MAP3K4: variants seen among roughly 807,000 people sequenced by gnomAD.
The protein encoded by MAP3K4 is mitogen-activated protein kinase kinase kinase 4.
Under a neutral mutation model 185.6 loss-of-function variants are expected in MAP3K4, and 67 were observed. That is an observed-to-expected ratio of 0.36 (90% CI 0.30 to 0.44). MAP3K4 has a LOEUF of 0.44. Among genes scored for constraint, MAP3K4 ranks in the 20% least tolerant of loss-of-function variants. MAP3K4 has a pLI of 1.00. For synonymous variants in MAP3K4, 702 were observed against 710.4 expected, an observed-to-expected ratio of 0.99 and a Z score of 0.19; for missense variants, 1,551 against 1,995.1, an observed-to-expected ratio of 0.78 and a Z score of 4.24.
At position 161,063,858 on chromosome 6, in the gene MAP3K4, C is replaced by T. The variant is rs1034023680; in HGVS notation, c.1708-6750C>T. On this transcript the variant is annotated intron_variant, in intron 3 of 26. Coordinates refer to ENST00000392142, the MANE Select transcript of MAP3K4 (RefSeq NM_005922.4). This position sits in a 1 kb window ranked among gnomAD's most constrained non-coding sequence, Gnocchi z 5.4. ...TGACTTGGGAATTGCCTCTTTACGCCCTTCAGACACCCTGTTAATTTCCTC... is the reference window on the plus strand; with the variant it reads ...TGACTTGGGAATTGCCTCTTTACGCTCTTCAGACACCCTGTTAATTTCCTC... 2.0e-5 allele frequency among the ~76,000 whole-genome samples: 3 copies of T among 152,098 alleles called. No individual in the cohort carries two copies. The highest frequency in any genetic ancestry group is 7.2e-5 in the African/African-American group (3 of 41,410).
At chr6:161,072,801 G>A (rs1246809) in intron 4 of MAP3K4, among the ~76,000 whole-genome samples, 151,825 of 152,346 alleles carry the variant, frequency 1, 75,654 homozygotes, top group Middle Eastern at 1. Context: ...TATTAATGGG[G>A]AGGGCTTTCC....
At chr6:161,062,085 A>C (rs1273182992) in intron 3 of MAP3K4, among the ~76,000 whole-genome samples, 4 of 152,160 alleles carry the variant, frequency 2.6e-5, no homozygotes, top group Non-Finnish European at 5.9e-5. Context: ...TTTAATGTTT[A>C]AGATGAGTTT....
chr6:161,095,795 A>G (rs566447105), intron 15 of MAP3K4, among the ~76,000 whole-genome samples: 2 of 152,312 alleles, frequency 1.3e-5, no homozygotes, highest in African/African-American at 4.8e-5. Context: ...TTGAACATCC[A>G]TTTTGCTTAT....
chr6:161,104,834 T>C (rs1777995806), intron 19 of MAP3K4, among the ~76,000 whole-genome samples: 1 of 152,070 alleles, frequency 6.6e-6, no homozygotes, highest in Non-Finnish European at 1.5e-5. Flanking sequence ...ATTTGCAGTG[T>C]TGTATATTGA....
In MAP3K4 at chr6:161,051,425, T is replaced by C. The variant is rs1783997453; in HGVS notation, c.1707+1446T>C. 6.6e-6 allele frequency among the ~76,000 whole-genome samples: 1 copy of C among 152,204 alleles called. No individual in the cohort carries two copies. The highest frequency in any genetic ancestry group is 6.5e-5 in the Admixed American group (1 of 15,278). On this transcript the variant is annotated intron_variant, in intron 3 of 26. Coordinates refer to ENST00000392142, the MANE Select transcript of MAP3K4 (RefSeq NM_005922.4). The surrounding 1 kb of genome is among the most constrained non-coding windows in gnomAD (Gnocchi z 4.2). ...GCATTCACATAAATTCAGGAAGATG[T>C]TTACAACATGAACCAGTGCTTTGTA...
chr6:161,016,431 A>T lies in MAP3K4; in HGVS notation c.153-17828A>T, dbSNP rs369109756. On this transcript the variant is annotated intron_variant, in intron 1 of 26. Coordinates refer to ENST00000392142, the MANE Select transcript of MAP3K4 (RefSeq NM_005922.4). ...ATCTAAGACCTCATTGACAAATATG[A>T]GATCCTATAGCTTTACCCCAGTTTT... Among the ~76,000 whole-genome samples the T allele has an allele frequency of 2.0e-4, 31 of 152,318 alleles. No homozygotes were observed. In the South Asian group the frequency reaches 2.5e-3, roughly 12 times the overall value.
In MAP3K4 at chr6:161,111,951, G is replaced by T. The variant is rs774137222; in HGVS notation, c.4512G>T (p.Gly1504=). The change falls in exon 24 of 27, where the codon GGG becomes GGT. Residue 1504 remains glycine (G), a synonymous_variant. Coordinates refer to ENST00000392142, the MANE Select transcript of MAP3K4 (RefSeq NM_005922.4). ...TMPGEVNSTL[G]TAAYMAPEVI... is the part of the protein sequence containing the mutation. ...CTGGTGAAGTGAACAGCACCCTGGG[G>T]ACAGCAGGTAGGGACCAGCCTGGTT... is the stretch of plus-strand genomic sequence containing the variant. 3.7e-6 allele frequency: 6 copies of T among 1,613,962 alleles called. No homozygotes were observed. The highest frequency in any genetic ancestry group is 5.1e-6 in the Non-Finnish European group (6 of 1,179,944).
chr6:161,050,097 T>C, intron 3 of MAP3K4, 118 bp downstream of exon 3: 1 of 1,008,232 alleles, frequency 9.9e-7, no homozygotes. Context: ...AAATGGCAGT[T>C]ATAAATTGCA....
chr6:161,075,104 C>T lies in MAP3K4; in HGVS notation c.2097+1492C>T, dbSNP rs1785110590. Among the ~76,000 whole-genome samples the T allele has an allele frequency of 6.6e-6, 1 of 152,178 alleles. No homozygotes were observed. Among genetic ancestry groups the T allele is most frequent in the South Asian group, 2.1e-4 (1 of 4,836 alleles). ...TCATTTTAATGAGTTAGAAGTTATT[C>T]TCTATATAAAAGACCTGAGTGTGTA... On this transcript the variant is annotated intron_variant, in intron 5 of 26. Coordinates refer to ENST00000392142, the MANE Select transcript of MAP3K4 (RefSeq NM_005922.4). The surrounding 1 kb of genome is among the most constrained non-coding windows in gnomAD (Gnocchi z 4.3).
chr6:161,084,898 G>A lies in MAP3K4; in HGVS notation c.2372+281G>A, dbSNP rs1785625726. On this transcript the variant is annotated intron_variant, in intron 7 of 26. Transcript: ENST00000392142. The surrounding 1 kb of genome is among the most constrained non-coding windows in gnomAD (Gnocchi z 4.6). ...GCGGTGGCTCACGCCTGTAATCCCAGTACTTTGGGAGGCCGAGGTGGGTGA... is the reference window on the plus strand; with the variant it reads ...GCGGTGGCTCACGCCTGTAATCCCAATACTTTGGGAGGCCGAGGTGGGTGA... 6.6e-6 allele frequency among the ~76,000 whole-genome samples: 1 copy of A among 152,188 alleles called. No homozygotes were observed. The highest frequency in any genetic ancestry group is 2.4e-5 in the African/African-American group (1 of 41,446).
At chr6:161,099,916 A>G (rs1345917372) in intron 17 of MAP3K4, among the ~76,000 whole-genome samples, 2 of 152,242 alleles carry the variant, frequency 1.3e-5, no homozygotes, top group African/African-American at 4.8e-5. Context: ...TTAAACGCTT[A>G]TCAGTAGCAT....
In MAP3K4 at chr6:161,043,394, G is replaced by A; in HGVS notation, c.344-5222G>A. On this transcript the variant is annotated intron_variant, in intron 2 of 26. Transcript: ENST00000392142. The surrounding 1 kb of genome is among the most constrained non-coding windows in gnomAD (Gnocchi z 4.3). The stretch of plus-strand genomic sequence containing the variant: ...CTTGCTTTTACTTTAAGCCTTTACA[G>A]ACTAGTTAGCCTGTGTAATCTTTTG... 6.6e-6 allele frequency among the ~76,000 whole-genome samples: 1 copy of A among 152,178 alleles called. No individual in the cohort carries two copies. The highest frequency in any genetic ancestry group is 1.9e-4 in the East Asian group (1 of 5,190).
In MAP3K4 at chr6:161,073,622, AGT is replaced by A. The variant is rs1562521873; in HGVS notation, c.2097+12_2097+13del. On this transcript the variant is annotated intron_variant, in intron 5 of 26. Transcript: ENST00000392142. This position sits in a 1 kb window ranked among gnomAD's most constrained non-coding sequence, Gnocchi z 4.2. ...ACATAAAATGCTTATGGTCAGAAGC[AGT>A]GGGGAGGAATTTTTCTTTCTTTCTT... 5.7e-6 allele frequency: 9 copies of A among 1,591,552 alleles called. No individual in the cohort carries two copies. The South Asian group carries it at 1.0e-4, about 18-fold the overall frequency.
chr6:161,068,934 A>G (rs568541955), intron 3 of MAP3K4, among the ~76,000 whole-genome samples: 1 of 152,340 alleles, frequency 6.6e-6, no homozygotes, highest in East Asian at 1.9e-4. Context: ...TGACAGTTCT[A>G]GATGTGGGGG....
chr6:161,107,804 G>T lies in MAP3K4; in HGVS notation c.4049-95G>T, dbSNP rs58008940. The T allele has an allele frequency of 1.2e-6, 1 of 825,502 alleles. No individual in the cohort carries two copies. The allele number at this position is 825,502 out of a possible 1,614,324, so 51.1% of individuals were successfully genotyped here. ...CATAATTATAGATATATAAATATAC[G>T]TCCAAAATAATTGGACAGTATTATT... On this transcript the variant is annotated intron_variant, in intron 20 of 26. Coordinates refer to ENST00000392142, the MANE Select transcript of MAP3K4 (RefSeq NM_005922.4). The surrounding 1 kb of genome is among the most constrained non-coding windows in gnomAD (Gnocchi z 6.2).
intron 3 of MAP3K4, among the ~76,000 whole-genome samples, chr6:161,050,952 C>T (rs551479026): frequency 4.6e-5 from 7 of 152,226 alleles, no homozygotes; most frequent in Non-Finnish European, 8.8e-5. Context: ...TCCGAAAATG[C>T]TCAAGTCCCT....
In MAP3K4 at chr6:161,098,374, C is replaced by T; in HGVS notation, c.3621C>T (p.Pro1207=). 6.2e-7 allele frequency: 1 copy of T among 1,613,914 alleles called. No homozygotes were observed. The highest frequency in any genetic ancestry group is 8.5e-7 in the Non-Finnish European group (1 of 1,180,024). The change falls in exon 17 of 27, where the codon CCC becomes CCT. Residue 1207 remains proline (P), a synonymous_variant. Coordinates refer to ENST00000392142, the MANE Select transcript of MAP3K4 (RefSeq NM_005922.4). This position sits in a 1 kb window ranked among gnomAD's most constrained non-coding sequence, Gnocchi z 4.4. ...AAAVAASRPS[P]SGGDSVLPKS... is the part of the protein sequence containing the mutation. The stretch of plus-strand genomic sequence containing the variant: ...CTGTTGCTGCCAGTCGGCCCAGCCC[C>T]TCTGGTGGTGACTCTGTGCTGCCCA...
Position 161,088,766 on chromosome 6 carries a change from G to T in MAP3K4, c.2824-556G>T, listed in dbSNP as rs915428894. On this transcript the variant is annotated intron_variant, in intron 10 of 26. Transcript: ENST00000392142. This position sits in a 1 kb window ranked among gnomAD's most constrained non-coding sequence, Gnocchi z 4.5. ...GCAGTTTCTGACTTTGAGTTTCCCT[G>T]CTTCAAACCTCACCTTCTGTCTCTC... Among the ~76,000 whole-genome samples, 1 of 152,074 alleles carries T rather than the reference G, an allele frequency of 6.6e-6. No homozygotes were observed. Among genetic ancestry groups the T allele is most frequent in the African/African-American group, 2.4e-5 (1 of 41,416 alleles).
chr6:161,082,378 A>G lies in MAP3K4; in HGVS notation c.2255+1340A>G, dbSNP rs116695304. Among the ~76,000 whole-genome samples, 390 of 152,020 alleles carry G rather than the reference A, an allele frequency of 2.6e-3. 1 individual carries two copies. The highest frequency in any genetic ancestry group is 9.0e-3 in the African/African-American group (371 of 41,408). On this transcript the variant is annotated intron_variant, in intron 6 of 26. Transcript: ENST00000392142. This position sits in a 1 kb window ranked among gnomAD's most constrained non-coding sequence, Gnocchi z 4.2. ...AGGTTACTCTTTAGTTTCACTACAA[A>G]TTCATGTTGTTTAGTGTCACTGTAC...
Sources: gnomAD v4.1 joint callset for allele counts (sites outside exome capture counted in the v4.1 genomes callset) on GRCh38, gnomAD v4.1.1 for gene constraint, Gnocchi (gnomAD v3.1) non-coding constraint, MANE v1.5 for transcripts, NCBI Gene and HGNC (gene_info 2026-07-23, HGNC 2026-07-21) for gene names.